Variants in CNBD1 observed in about 807,000 individuals in gnomAD.
The protein encoded by CNBD1 is cyclic nucleotide-binding domain-containing protein 1.
CNBD1 carries 71 observed loss-of-function variants against 54.4 expected under a neutral mutation model. That is an observed-to-expected ratio of 1.30 (90% CI 1.08 to 1.59). CNBD1 has a LOEUF of 1.59. Ranked by LOEUF, CNBD1 falls within the 40% of genes most tolerant of loss-of-function variation. The pLI, the probability that CNBD1 is intolerant of heterozygous loss-of-function variation, is 0.00. For missense variants in CNBD1, 659 were observed against 518.0 expected (o/e 1.27, Z -2.64); for synonymous variants, 182 against 170.7 (o/e 1.07, Z -0.51).
At chr8:87,058,543 A>G (rs1217661575) in intron 4 of CNBD1, among the ~76,000 whole-genome samples, 1 of 152,180 alleles carries the variant, frequency 6.6e-6, no homozygotes, top group Non-Finnish European at 1.5e-5. Flanking sequence ...TCTGAAATCT[A>G]GGTGGAGGTT....
rs185624279 is a variant in CNBD1 at position 87,388,883 on chromosome 8, A to G, written c.213+35097A>G. On this transcript the variant is annotated intron_variant, in intron 2 of 7. Transcript: ENST00000521593. ...ACTGGCAAACTGAATCCAGCAGCAC[A>G]TCAAAAAGCTTATCCAACATGATCA... 6.3e-3 allele frequency among the ~76,000 whole-genome samples: 959 copies of G among 152,336 alleles called. 4 individuals carry two copies. The highest frequency in any genetic ancestry group is 8.6e-3 in the Non-Finnish European group (587 of 68,024).
At position 87,306,777 on chromosome 8, in the gene CNBD1, G is replaced by A. The variant is rs367701205; in HGVS notation, c.1042+20106G>A. ...GATGTGGGGGAAGAGTGGGAGGGGG[G>A]TGAGGGATAGAAGACTATAAATATG... On this transcript the variant is annotated intron_variant, in intron 8 of 10. Transcript: ENST00000518476. 1.9e-3 allele frequency among the ~76,000 whole-genome samples: 293 copies of A among 151,992 alleles called. 2 individuals are homozygous for A. The highest frequency in any genetic ancestry group is 6.4e-3 in the African/African-American group (264 of 41,466).
chr8:87,383,286 T>C (rs182755505), downstream of CNBD1, among the ~76,000 whole-genome samples: 598 of 152,076 alleles, frequency 3.9e-3, 3 homozygotes, highest in Non-Finnish European at 6.3e-3. Context: ...GTAGTATAGT[T>C]TCAGTTTATC....
At chr8:87,301,048 T>C (rs1440870967) in intron 8 of CNBD1, among the ~76,000 whole-genome samples, 2 of 151,906 alleles carry the variant, frequency 1.3e-5, no homozygotes, top group Non-Finnish European at 2.9e-5. Flanking sequence ...ATACAGAAGA[T>C]CACTCAAGGC....
chr8:87,039,314 C>T (rs917420544), intron 4 of CNBD1, among the ~76,000 whole-genome samples: 1 of 152,096 alleles, frequency 6.6e-6, no homozygotes, highest in African/African-American at 2.4e-5. Flanking sequence ...TCTACCCTTT[C>T]CTATATTTGC....
At chr8:87,055,837 TTTCC>T (rs199523377) in intron 4 of CNBD1, among the ~76,000 whole-genome samples, 33 of 140,544 alleles carry the variant, frequency 2.3e-4, no homozygotes, top group South Asian at 2.5e-4. Context: ...TCCCTCTCTC[TTTCC>T]TTCCTTCCTC....
At chr8:87,070,759 G>A (rs892087772) in intron 4 of CNBD1, among the ~76,000 whole-genome samples, 1 of 151,906 alleles carries the variant, frequency 6.6e-6, no homozygotes, top group African/African-American at 2.4e-5. Context: ...CTTGCTTTTG[G>A]CATTTATTAA....
chr8:87,347,095 G>A (rs112710025), intron 8 of CNBD1, among the ~76,000 whole-genome samples: 9 of 152,030 alleles, frequency 5.9e-5, no homozygotes, highest in African/African-American at 1.7e-4. Context: ...TCTTTCACAC[G>A]TACTTTGCTA....
chr8:86,940,429 G>T (rs968268397), intron 4 of CNBD1, among the ~76,000 whole-genome samples: 5 of 151,996 alleles, frequency 3.3e-5, no homozygotes, highest in Admixed American at 2.6e-4. Context: ...GGCCTCCCTC[G>T]GCCTGGGATT....
chr8:87,188,760 A>AT (rs1210710300), intron 4 of CNBD1, among the ~76,000 whole-genome samples: 9 of 151,438 alleles, frequency 5.9e-5, no homozygotes, highest in African/African-American at 1.9e-4. Context: ...AAAAAAAAAA[A>AT]AAATAAAAAT....
chr8:87,084,016 A>G (rs1323927752), intron 4 of CNBD1, among the ~76,000 whole-genome samples: 1 of 152,212 alleles, frequency 6.6e-6, no homozygotes, highest in Non-Finnish European at 1.5e-5. Context: ...GTCATGGCCC[A>G]TGGTCACTCA....
At chr8:87,009,092 C>T (rs984546194) in intron 4 of CNBD1, among the ~76,000 whole-genome samples, 5 of 151,898 alleles carry the variant, frequency 3.3e-5, no homozygotes, top group African/African-American at 1.2e-4. Context: ...TGGCGAGCTA[C>T]ATATTTTTTT....
At chr8:87,170,298 G>A (rs768025423) in intron 4 of CNBD1, among the ~76,000 whole-genome samples, 2 of 152,044 alleles carry the variant, frequency 1.3e-5, no homozygotes, top group African/African-American at 2.4e-5. Flanking sequence ...AGTTCTAATA[G>A]TTTTTTGGCA....
chr8:86,934,962 T>C (rs1809518958), intron 3 of CNBD1, among the ~76,000 whole-genome samples: 1 of 152,198 alleles, frequency 6.6e-6, no homozygotes, highest in Non-Finnish European at 1.5e-5. Context: ...TAAAACTTGC[T>C]GGAAACTACA....
intron 4 of CNBD1, among the ~76,000 whole-genome samples, chr8:87,074,519 C>T (rs1810827459): frequency 6.6e-6 from 1 of 152,196 alleles, no homozygotes; most frequent in South Asian, 2.1e-4. Flanking sequence ...AACTGCTCTG[C>T]TGAGACTCCA....
intron 2 of CNBD1, among the ~76,000 whole-genome samples, chr8:87,424,449 G>A (rs1222299994): frequency 3.9e-5 from 6 of 152,130 alleles, no homozygotes; most frequent in Middle Eastern, 3.2e-3. Context: ...TGCTTTGAAT[G>A]CGTCCCAGAG....
At chr8:87,280,022 G>T (rs1808564499) in intron 6 of CNBD1, among the ~76,000 whole-genome samples, 1 of 151,334 alleles carries the variant, frequency 6.6e-6, no homozygotes, top group Admixed American at 6.6e-5. Context: ...CAGCATATAG[G>T]TTTGGAATAA....
intron 4 of CNBD1, among the ~76,000 whole-genome samples, chr8:87,156,094 A>G (rs1812728337): frequency 6.6e-6 from 1 of 151,764 alleles, no homozygotes; most frequent in Non-Finnish European, 1.5e-5. Flanking sequence ...GTTGAAGAGA[A>G]AATAACTTTT....
At chr8:87,284,600 CT>C in intron 6 of CNBD1, 77 bp from the exon 7 acceptor site, 2 of 1,295,908 alleles carry the variant, frequency 1.5e-6, no homozygotes, top group East Asian at 5.0e-5. Flanking sequence ...AAAGCTTGAC[CT>C]ACAATCCAAT....
Sources: allele counts gnomAD v4.1 joint callset (sites outside exome capture counted in the v4.1 genomes callset), GRCh38; gene constraint gnomAD v4.1.1; transcripts MANE v1.5; gene names NCBI Gene and HGNC (gene_info 2026-07-23, HGNC 2026-07-21).